Variants in PIK3CA observed in about 807,000 individuals in gnomAD.
PIK3CA encodes the protein phosphatidylinositol-4,5-bisphosphate 3-kinase catalytic subunit alpha.
A neutral mutation model predicts 138.2 loss-of-function variants in PIK3CA; 27 were observed. The ratio of observed to expected loss-of-function variants is 0.20; its 90% CI spans 0.14 to 0.27. The LOEUF is 0.27. Ranked by LOEUF, PIK3CA falls within the 10% of genes least tolerant of loss-of-function variation. The pLI, the probability that PIK3CA is intolerant of heterozygous loss-of-function variation, is 1.00. For missense variants in PIK3CA, 544 were observed against 1,277.4 expected (o/e 0.43, Z 8.75); for synonymous variants, 358 against 413.2 (o/e 0.87, Z 1.62).
In PIK3CA at chr3:179,201,543, G is replaced by A. The variant is rs779669301; in HGVS notation, c.813+3G>A. The stretch of plus-strand genomic sequence containing the variant: ...AATATCCTCTGAGTCAGTATAAGGT[G>A]AGTAACAAGTTTCAAAATATTAATT... On this transcript the variant is annotated splice_donor_region_variant and intron_variant, in intron 4 of 20. Transcript: ENST00000263967. 1 of 1,543,888 alleles carries A rather than the reference G, an allele frequency of 6.5e-7. No homozygotes were observed. The highest frequency in any genetic ancestry group is 8.8e-7 in the Non-Finnish European group (1 of 1,137,300).
rs558223824 is a variant in PIK3CA, at chr3:179,219,633, C to T, written c.1809C>T (p.Asp603=). 8.5e-5 allele frequency: 136 copies of T among 1,603,566 alleles called. 1 individual carries two copies. In the South Asian group the frequency reaches 1.4e-3, roughly 16 times the overall value. Reference sequence around the variant, plus strand: ...CTGAACAGGCTATGGAACTTCTGGACTGTAATTACCCAGATCCTATGGTTC... The same window carrying T: ...CTGAACAGGCTATGGAACTTCTGGATTGTAATTACCCAGATCCTATGGTTC... ...IKPEQAMELL[D]CNYPDPMVRG... Residue 603 remains aspartate (D), a synonymous_variant, in exon 12 of 21, where the codon GAC becomes GAT. Coordinates refer to ENST00000263967, the MANE Select transcript of PIK3CA (RefSeq NM_006218.4). The surrounding 1 kb of genome is among the most constrained non-coding windows in gnomAD (Gnocchi z 4.2).
intron 1 of PIK3CA, among the ~76,000 whole-genome samples, chr3:179,153,417 A>G (rs1159183753): frequency 3.3e-5 from 5 of 152,220 alleles, no homozygotes; most frequent in East Asian, 1.9e-4. Context: ...GAGTGCCAAC[A>G]TACGGCCATA....
chr3:179,167,909 C>T (rs761780857), intron 1 of PIK3CA, among the ~76,000 whole-genome samples: 2 of 152,102 alleles, frequency 1.3e-5, no homozygotes, highest in African/African-American at 2.4e-5. Flanking sequence ...ACCATAAAAA[C>T]GGTATTCAGC....
chr3:179,170,335 CCACT>C (rs1279967987), intron 1 of PIK3CA, among the ~76,000 whole-genome samples: 1 of 152,152 alleles, frequency 6.6e-6, no homozygotes, highest in African/African-American at 2.4e-5. Context: ...TTTCTCCTGA[CCACT>C]CACTCACATT....
At chr3:179,218,415 T>A (rs1478108762) in intron 10 of PIK3CA, 81 bp downstream of exon 10, 1 of 1,127,624 alleles carries the variant, frequency 8.9e-7, no homozygotes, top group Non-Finnish European at 1.3e-6. Context: ...CTCAGCATGT[T>A]TTTACCATAC....
chr3:179,148,371 C>G lies in PIK3CA; in HGVS notation c.-309C>G, dbSNP rs1722907537. ...TAGAAAGCGGCAGTTCCGGTGCCGC[C>G]GCTGCGGCCGCTGAGGTGTCGGGCT... On this transcript the variant is annotated 5_prime_UTR_variant, in exon 1 of 21. Coordinates refer to ENST00000263967, the MANE Select transcript of PIK3CA (RefSeq NM_006218.4). 2.0e-5 allele frequency among the ~76,000 whole-genome samples: 3 copies of G among 151,364 alleles called. No individual in the cohort carries two copies. Among genetic ancestry groups the G allele is most frequent in the Non-Finnish European group, 4.4e-5 (3 of 67,598 alleles).
In PIK3CA at chr3:179,234,069, AC is replaced by A; in HGVS notation, c.2937-23del. On this transcript the variant is annotated intron_variant, in intron 20 of 20. Coordinates refer to ENST00000263967, the MANE Select transcript of PIK3CA (RefSeq NM_006218.4). The surrounding 1 kb of genome is among the most constrained non-coding windows in gnomAD (Gnocchi z 5.1). Reference sequence around the variant, plus strand: ...TATTAACATCATTTGCTCCAAACTGACCAAACTGTTCTTATTACTTATAGGT... The same window carrying A: ...TATTAACATCATTTGCTCCAAACTGACAAACTGTTCTTATTACTTATAGGT... 1.3e-6 allele frequency: 2 copies of A among 1,568,124 alleles called. No individual in the cohort carries two copies. The highest frequency in any genetic ancestry group is 1.7e-6 in the Non-Finnish European group (2 of 1,149,594).
chr3:179,197,576 T>C (rs1576931325), intron 1 of PIK3CA, among the ~76,000 whole-genome samples: 1 of 152,232 alleles, frequency 6.6e-6, no homozygotes, highest in African/African-American at 2.4e-5. Flanking sequence ...GATTCCCACA[T>C]CCAACATAGT....
chr3:179,210,557 G>T lies in PIK3CA; in HGVS notation c.1531G>T (p.Ala511Ser), dbSNP rs201631515. ...AGAAGCAGGATTTAGCTATTCCCAC[G>T]CAGGACTGGTAAGGCAAATCACTGA... ...SREAGFSYSH[A>S]GLSNRLARDN... is the part of the protein sequence containing the mutation. Residue 511 changes from alanine (A) to serine (S), a missense_variant, in exon 9 of 21, where the codon GCA becomes TCA. Ala to Ser is a moderately conservative substitution (Grantham distance 99). This residue lies in a region of PIK3CA where 52 missense variants were observed against 83.4 expected (regional missense o/e 0.62). Coordinates refer to ENST00000263967, the MANE Select transcript of PIK3CA (RefSeq NM_006218.4). 6.2e-7 allele frequency: 1 copy of T among 1,613,582 alleles called. No homozygotes were observed. Among genetic ancestry groups the T allele is most frequent in the Non-Finnish European group, 8.5e-7 (1 of 1,179,756 alleles).
In PIK3CA at chr3:179,209,701, G is replaced by C. The variant is rs2108399451; in HGVS notation, c.1251+1G>C. ...TAAAGGCCGAAAGGGTGCTAAAGAG[G>C]TAAAGTATTTCAGAAGGAACAATTA... is the stretch of plus-strand genomic sequence containing the variant. On this transcript the variant is annotated splice_donor_variant, in intron 7 of 20. Transcript: ENST00000263967. LOFTEE classifies it high-confidence loss of function. 1 of 1,563,674 alleles carries C rather than the reference G, an allele frequency of 6.4e-7. No individual in the cohort carries two copies. The highest frequency in any genetic ancestry group is 8.8e-7 in the Non-Finnish European group (1 of 1,141,808).
At chr3:179,231,371 C>T (rs1725207150) in intron 20 of PIK3CA, among the ~76,000 whole-genome samples, 1 of 152,068 alleles carries the variant, frequency 6.6e-6, no homozygotes, top group Non-Finnish European at 1.5e-5. Flanking sequence ...TAAGAAATCT[C>T]CATACTGTTT....
At position 179,203,713 on chromosome 3, in the gene PIK3CA, G is replaced by C. The variant is rs1235701540; in HGVS notation, c.983G>C (p.Trp328Ser). 1 of 1,613,002 alleles carries C rather than the reference G, an allele frequency of 6.2e-7. No individual in the cohort carries two copies. Among genetic ancestry groups the C allele is most frequent in the African/African-American group, 1.3e-5 (1 of 74,846 alleles). The change falls in exon 5 of 21, where the codon TGG (tryptophan) becomes TCG (serine). Residue 328 changes from tryptophan to serine, a missense_variant. Transcript: ENST00000263967. ...GGAGAAACATCTACAAAATCCCTTT[G>C]GGTTATAAATAGTGCACTCAGAATA... ...MNGETSTKSL[W>S]VINSALRIKI...
At chr3:179,175,777 T>A (rs2108366154) in intron 1 of PIK3CA, among the ~76,000 whole-genome samples, 1 of 152,268 alleles carries the variant, frequency 6.6e-6, no homozygotes, top group South Asian at 2.1e-4. Context: ...TGCAGTCTTT[T>A]ATCTTTACAG....
intron 6 of PIK3CA, among the ~76,000 whole-genome samples, chr3:179,207,676 C>T (rs749556108): frequency 6.6e-6 from 1 of 151,846 alleles, no homozygotes; most frequent in Admixed American, 6.6e-5. Context: ...CCCACCACCA[C>T]GCCCAGCTAA....
chr3:179,186,182 A>G (rs1560132632), intron 1 of PIK3CA, among the ~76,000 whole-genome samples: 1 of 152,246 alleles, frequency 6.6e-6, no homozygotes, highest in South Asian at 2.1e-4. Flanking sequence ...GCTGTGTGCC[A>G]GGAGAGAGGA....
In PIK3CA at chr3:179,221,164, G is replaced by A. The variant is rs780365177; in HGVS notation, c.2187+7G>A. 4 of 1,609,152 alleles carry A rather than the reference G, an allele frequency of 2.5e-6. No individual in the cohort carries two copies. Among genetic ancestry groups the A allele is most frequent in the Non-Finnish European group, 3.4e-6 (4 of 1,176,138 alleles). On this transcript the variant is annotated splice_region_variant and intron_variant, in intron 14 of 20. Coordinates refer to ENST00000263967, the MANE Select transcript of PIK3CA (RefSeq NM_006218.4). ...GAAGGATGAAACACAAAAGGTGTGTGACTCTAGTTTGTGTTTGAGACTCTT... is the reference window on the plus strand; with the variant it reads ...GAAGGATGAAACACAAAAGGTGTGTAACTCTAGTTTGTGTTTGAGACTCTT...
In PIK3CA at chr3:179,239,732, C is replaced by T. The variant is rs188928436; in HGVS notation, c.*5368C>T. 9.8e-5 allele frequency: 36 copies of T among 365,600 alleles called. No individual in the cohort carries two copies. The highest frequency in any genetic ancestry group is 9.5e-5 in the South Asian group (1 of 10,512). The allele number at this position is 365,600 out of a possible 1,614,324, so 22.6% of individuals were successfully genotyped here. A position where few individuals can be genotyped will look rare whatever the true frequency, so the allele number is the denominator to read the frequency against. On this transcript the variant is annotated 3_prime_UTR_variant, in exon 21 of 21. Coordinates refer to ENST00000263967, the MANE Select transcript of PIK3CA (RefSeq NM_006218.4). ...CACCTGGAAGCTTTATCAAGAAATTCGAACCACCCTTTTGGCCCCATTAAT... is the reference window on the plus strand; with the variant it reads ...CACCTGGAAGCTTTATCAAGAAATTTGAACCACCCTTTTGGCCCCATTAAT...
At chr3:179,225,730 C>T (rs1437856473) in intron 16 of PIK3CA, among the ~76,000 whole-genome samples, 1 of 151,980 alleles carries the variant, frequency 6.6e-6, no homozygotes, top group Non-Finnish European at 1.5e-5. Context: ...CTTAGCAAGA[C>T]CCCATCTCAA....
intron 1 of PIK3CA, among the ~76,000 whole-genome samples, chr3:179,190,000 A>T (rs1220412118): frequency 6.6e-6 from 1 of 152,222 alleles, no homozygotes; most frequent in Non-Finnish European, 1.5e-5. Flanking sequence ...TCTTAGAGGA[A>T]GAGAATTTTA....
Sources: gnomAD v4.1 joint callset for allele counts (sites outside exome capture counted in the v4.1 genomes callset) on GRCh38, gnomAD v4.1.1 for gene constraint, gnomAD v4.1.1 regional missense constraint, Gnocchi (gnomAD v3.1) non-coding constraint, MANE v1.5 for transcripts, NCBI Gene and HGNC (gene_info 2026-07-23, HGNC 2026-07-21) for gene names.